LRRC7: variants seen among roughly 807,000 people sequenced by gnomAD.
The protein encoded by LRRC7 is leucine-rich repeat-containing protein 7.
A neutral mutation model predicts 175.7 loss-of-function variants in LRRC7; 23 were observed. That is an observed-to-expected ratio of 0.13 (90% CI 0.09 to 0.19). The LOEUF (loss-of-function observed/expected upper bound fraction) is 0.19, where lower values mean the gene tolerates loss of function less well. Ranked by LOEUF, LRRC7 falls within the 10% of genes least tolerant of loss-of-function variation. The pLI is 1.00. For synonymous variants in LRRC7, 685 were observed against 680.9 expected (o/e 1.01, Z -0.09); for missense variants, 1,354 against 1,904.7 (o/e 0.71, Z 5.38).
intron 1 of LRRC7, among the ~76,000 whole-genome samples, chr1:69,596,541 A>C (rs1646853701): frequency 6.6e-6 from 1 of 152,254 alleles, no homozygotes; most frequent in Non-Finnish European, 1.5e-5. Context: ...GAAGTGTCGC[A>C]GAAAGAGAAC....
intron 7 of LRRC7, among the ~76,000 whole-genome samples, chr1:69,887,014 T>G (rs1037968871): frequency 2.6e-5 from 4 of 151,684 alleles, no homozygotes; most frequent in African/African-American, 9.7e-5. Flanking sequence ...CTTCCCTTTG[T>G]GGGTAACCCG....
intron 13 of LRRC7, 105 bp downstream of exon 13, chr1:70,013,194 C>A: frequency 1.8e-6 from 1 of 559,200 alleles, no homozygotes; most frequent in Admixed American, 2.9e-5. Flanking sequence ...TCGACATATA[C>A]GGAATGCAAA....
intron 2 of LRRC7, among the ~76,000 whole-genome samples, chr1:69,729,481 A>T (rs1667329770): frequency 6.6e-6 from 1 of 152,196 alleles, no homozygotes; most frequent in South Asian, 2.1e-4. Flanking sequence ...GCCAAAACAA[A>T]GGAGCCACAG....
chr1:69,784,000 A>G (rs1255329204), intron 3 of LRRC7, among the ~76,000 whole-genome samples: 2 of 152,162 alleles, frequency 1.3e-5, no homozygotes, highest in East Asian at 3.8e-4. Context: ...AAGAGCCCAA[A>G]AGCCATGAAC....
chr1:69,697,195 T>TC (rs1662719817), intron 2 of LRRC7, among the ~76,000 whole-genome samples: 1 of 152,210 alleles, frequency 6.6e-6, no homozygotes, highest in Non-Finnish European at 1.5e-5. Context: ...TTTATTTTTT[T>TC]CCCACTTCTT....
chr1:69,886,609 C>T (rs1177010725), intron 7 of LRRC7, among the ~76,000 whole-genome samples: 1 of 149,550 alleles, frequency 6.7e-6, no homozygotes, highest in Non-Finnish European at 1.5e-5. Context: ...AGCATTTAGC[C>T]CATTTACATT....
At chr1:69,823,572 C>G (rs1371225794) in intron 4 of LRRC7, among the ~76,000 whole-genome samples, 1 of 152,056 alleles carries the variant, frequency 6.6e-6, no homozygotes, top group Non-Finnish European at 1.5e-5. Context: ...CGTACACGCA[C>G]ATTAATAATG....
chr1:69,691,605 C>T (rs1661872550), intron 2 of LRRC7, among the ~76,000 whole-genome samples: 1 of 151,924 alleles, frequency 6.6e-6, no homozygotes, highest in South Asian at 2.1e-4. Context: ...TGAGATGGGC[C>T]TGAGCAACAT....
chr1:69,802,198 G>A (rs12091718), intron 4 of LRRC7, among the ~76,000 whole-genome samples: 1,554 of 151,598 alleles, frequency 0.01, 32 homozygotes, highest in African/African-American at 0.035. Flanking sequence ...ATATTCTGCT[G>A]TTGTTAAATC....
chr1:70,014,810 A>G (rs1327350365), intron 13 of LRRC7, among the ~76,000 whole-genome samples: 1 of 152,078 alleles, frequency 6.6e-6, no homozygotes, highest in African/African-American at 2.4e-5. Flanking sequence ...CTGCACATTT[A>G]TGTTACCAAA....
chr1:69,621,196 C>T (rs1187004878), intron 1 of LRRC7, among the ~76,000 whole-genome samples: 1 of 152,018 alleles, frequency 6.6e-6, no homozygotes, highest in Non-Finnish European at 1.5e-5. Context: ...AGGCATGTGC[C>T]ACCATGCCCG....
chr1:69,960,652 G>T (rs1650970863), intron 8 of LRRC7, among the ~76,000 whole-genome samples: 1 of 150,580 alleles, frequency 6.6e-6, no homozygotes, highest in Admixed American at 6.6e-5. Context: ...ACATTGCTTT[G>T]GCTGTGTCCC....
At chr1:69,658,037 C>T (rs909307446) in intron 1 of LRRC7, among the ~76,000 whole-genome samples, 5 of 151,758 alleles carry the variant, frequency 3.3e-5, no homozygotes, top group Admixed American at 2.6e-4. Flanking sequence ...CATTTAATGG[C>T]TCTTACTCAA....
intron 2 of LRRC7, among the ~76,000 whole-genome samples, chr1:69,755,040 C>G (rs1371406120): frequency 6.6e-6 from 1 of 151,824 alleles, no homozygotes; most frequent in East Asian, 1.9e-4. Context: ...AGGGAAGAAC[C>G]AAAGTGGACG....
At chr1:70,009,998 G>A (rs551739697) in intron 11 of LRRC7, among the ~76,000 whole-genome samples, 183 of 152,164 alleles carry the variant, frequency 1.2e-3, no homozygotes, top group African/African-American at 4.3e-3. Flanking sequence ...ACTATCACCA[G>A]CCCCTCAGTC....
At chr1:69,679,428 C>T (rs1660197651) in intron 2 of LRRC7, among the ~76,000 whole-genome samples, 1 of 152,062 alleles carries the variant, frequency 6.6e-6, no homozygotes, top group African/African-American at 2.4e-5. Context: ...GCAGGGCACA[C>T]TCATGGCAAA....
intron 2 of LRRC7, among the ~76,000 whole-genome samples, chr1:69,719,618 A>C (rs1666132684): frequency 6.6e-6 from 1 of 151,496 alleles, no homozygotes; most frequent in African/African-American, 2.4e-5. Context: ...ATCTTTTTAA[A>C]CTGTTTTTAT....
At chr1:69,981,545 A>C (rs1653430901) in intron 9 of LRRC7, among the ~76,000 whole-genome samples, 1 of 152,202 alleles carries the variant, frequency 6.6e-6, no homozygotes, top group South Asian at 2.1e-4. Context: ...ATGAATCAGA[A>C]ACTATGCTAA....
intron 1 of LRRC7, among the ~76,000 whole-genome samples, chr1:69,584,352 C>A (rs974664551): frequency 2.6e-5 from 4 of 152,044 alleles, no homozygotes; most frequent in South Asian, 2.1e-4. Flanking sequence ...GCTGCCCTGG[C>A]CTTCAAAATT....
Sources: gnomAD v4.1 joint callset for allele counts (sites outside exome capture counted in the v4.1 genomes callset) on GRCh38, gnomAD v4.1.1 for gene constraint, MANE v1.5 for transcripts, NCBI Gene and HGNC (gene_info 2026-07-23, HGNC 2026-07-21) for gene names.